Variants in DIAPH1 observed in about 807,000 individuals in gnomAD.
The protein encoded by DIAPH1 is protein diaphanous homolog 1.
In DIAPH1, 46 loss-of-function variants were observed where a neutral mutation model predicts 140.7. The observed-to-expected ratio is 0.33, with a 90% CI of 0.26 to 0.42. The LOEUF (loss-of-function observed/expected upper bound fraction) is 0.42, where lower values mean the gene tolerates loss of function less well. Ranked by LOEUF, DIAPH1 falls within the 10% of genes least tolerant of loss-of-function variation. DIAPH1 has a pLI of 1.00. For missense variants in DIAPH1, 1,310 were observed against 1,558.7 expected, an observed-to-expected ratio of 0.84 and a Z score of 2.69; for synonymous variants, 565 against 551.6, an observed-to-expected ratio of 1.02 and a Z score of -0.34.
At chr5:141,584,533 GC>G (rs763793717) in intron 3 of DIAPH1, among the ~76,000 whole-genome samples, 90 of 152,240 alleles carry the variant, frequency 5.9e-4, no homozygotes, top group Non-Finnish European at 7.8e-4. Flanking sequence ...AATGCTTTCT[GC>G]ATCAAGGATG....
At chr5:141,556,320 G>A (rs1442233549) in intron 18 of DIAPH1, among the ~76,000 whole-genome samples, 2 of 151,848 alleles carry the variant, frequency 1.3e-5, no homozygotes, top group South Asian at 2.1e-4. Flanking sequence ...AAAAGTATTC[G>A]GGAAAAAAAA....
intron 18 of DIAPH1, among the ~76,000 whole-genome samples, chr5:141,570,866 T>A (rs1362016991): frequency 1.3e-5 from 2 of 151,796 alleles, no homozygotes; most frequent in African/African-American, 4.8e-5. Flanking sequence ...AATTAGGAAG[T>A]CAAGAAAGAA....
chr5:141,596,801 T>C (rs1165682955), intron 1 of DIAPH1, among the ~76,000 whole-genome samples: 1 of 152,150 alleles, frequency 6.6e-6, no homozygotes, highest in Non-Finnish European at 1.5e-5. Context: ...TTCTTAAACA[T>C]GAGTAGACAA....
chr5:141,551,077 G>A (rs139828110), intron 18 of DIAPH1, among the ~76,000 whole-genome samples: 5 of 152,226 alleles, frequency 3.3e-5, no homozygotes, highest in East Asian at 1.9e-4. Flanking sequence ...GAAGAAAGTC[G>A]GTAGATTAAA....
rs558912448 is a variant in DIAPH1, at chr5:141,617,183, G to A, written c.117+1615C>T. 8.6e-5 allele frequency among the ~76,000 whole-genome samples: 13 copies of A among 151,696 alleles called. 1 individual carries two copies. Among genetic ancestry groups the A allele is most frequent in the Middle Eastern group, 6.8e-3 (2 of 294 alleles). On this transcript the variant is annotated intron_variant, in intron 1 of 27. Coordinates refer to ENST00000389054, the MANE Select transcript of DIAPH1 (RefSeq NM_005219.5). ...ATATGAGCCCTAGAACTTAAGTTTT[G>A]GAAGGAAAGCTAACGGGGGGGAGGG...
chr5:141,546,647 C>A (rs1268889764), intron 18 of DIAPH1, among the ~76,000 whole-genome samples: 1 of 144,738 alleles, frequency 6.9e-6, no homozygotes, highest in Non-Finnish European at 1.5e-5. Context: ...CAGAATGAGA[C>A]TCTGAAAAAA....
At chr5:141,576,482 T>C (rs150194019) in intron 13 of DIAPH1, among the ~76,000 whole-genome samples, 188 bp from the exon 14 acceptor site, 2 of 152,344 alleles carry the variant, frequency 1.3e-5, no homozygotes, top group East Asian at 1.9e-4. Flanking sequence ...AAGGCCACCA[T>C]GCTGGGTGGC....
At chr5:141,547,092 C>G (rs1424106680) in intron 18 of DIAPH1, among the ~76,000 whole-genome samples, 1 of 152,198 alleles carries the variant, frequency 6.6e-6, no homozygotes, top group Non-Finnish European at 1.5e-5. Context: ...TTTAAAATCA[C>G]TCTGGTTAAC....
At chr5:141,578,059 A>G (rs915432612) in intron 11 of DIAPH1, 166 bp downstream of exon 11, 2 of 714,858 alleles carry the variant, frequency 2.8e-6, no homozygotes, top group Admixed American at 2.0e-5. Context: ...TGATAAGCTA[A>G]GTAAAGCCAG....
rs577570177 is a variant in DIAPH1 at position 141,553,218 on chromosome 5, G to T, written c.2482+18210C>A. Among the ~76,000 whole-genome samples the T allele has an allele frequency of 2.0e-5, 3 of 152,290 alleles. No individual in the cohort carries two copies. In the South Asian group the frequency reaches 6.2e-4, roughly 32 times the overall value. On this transcript the variant is annotated intron_variant, in intron 18 of 27. Transcript: ENST00000389054. ...GAGGCAGAAGAATTGCTTGAACCCAGGAGGTGGAGGTTGCAGTGAGCCAAG... is the reference window on the plus strand; with the variant it reads ...GAGGCAGAAGAATTGCTTGAACCCATGAGGTGGAGGTTGCAGTGAGCCAAG...
At chr5:141,598,199 T>C (rs906126389) in intron 1 of DIAPH1, among the ~76,000 whole-genome samples, 6 of 152,250 alleles carry the variant, frequency 3.9e-5, no homozygotes, top group African/African-American at 1.4e-4. Context: ...TGTTAGATTT[T>C]TGTTTCTTAA....
chr5:141,592,941 A>T (rs1196501253), intron 1 of DIAPH1, among the ~76,000 whole-genome samples: 1 of 152,174 alleles, frequency 6.6e-6, no homozygotes, highest in Non-Finnish European at 1.5e-5. Flanking sequence ...AACCTCACTA[A>T]ACCTACAGAA....
At position 141,573,768 on chromosome 5, in the gene DIAPH1, C is replaced by G; in HGVS notation, c.2082G>C (p.Leu694Phe). The G allele has an allele frequency of 6.8e-7, 1 of 1,463,148 alleles. No homozygotes were observed. Among genetic ancestry groups the G allele is most frequent in the Non-Finnish European group, 9.1e-7 (1 of 1,104,370 alleles). 90.6% of individuals were successfully genotyped at this position (1,463,148 alleles called of 1,614,324 possible). Reference sequence around the variant, plus strand: ...GGGGGGGAATTCCAGCACTCCCAGGCAAAGGAGGTGGTGGTGGGGGGATTC... The same window carrying G: ...GGGGGGGAATTCCAGCACTCCCAGGGAAAGGAGGTGGTGGTGGGGGGATTC... ...SARIPPPPPP[L>F]PGSAGIPPPP... The change falls in exon 16 of 28, where the codon TTG (leucine) becomes TTC (phenylalanine). Residue 694 changes from leucine (L) to phenylalanine (F), a missense_variant. Physicochemically the swap from Leu to Phe is conservative, Grantham distance 22. Transcript: ENST00000389054.
chr5:141,575,031 T>G lies in DIAPH1; in HGVS notation c.1577A>C (p.Glu526Ala), dbSNP rs187899184. 6.2e-7 allele frequency: 1 copy of G among 1,614,084 alleles called. No homozygotes were observed. Among genetic ancestry groups the G allele is most frequent in the Non-Finnish European group, 8.5e-7 (1 of 1,180,050 alleles). ...LQGEKDALHS[E>A]KQQIATEKQD... ...TTTCTCTGTGGCAATTTGCTGCTTT[T>G]CAGAATGCAGTGCATCTTTTTCTCC... The change falls in exon 15 of 28, where the codon GAA (glutamate) becomes GCA (alanine). Residue 526 changes from glutamate (E) to alanine (A), a missense_variant. By Grantham distance (107) the Glu-to-Ala change is moderately radical (BLOSUM62 -1). Transcript: ENST00000389054.
chr5:141,617,264 G>A (rs1314644282), intron 1 of DIAPH1, among the ~76,000 whole-genome samples: 4 of 151,586 alleles, frequency 2.6e-5, no homozygotes, highest in African/African-American at 9.7e-5. Context: ...ACCAAAGAAG[G>A]AGGGGGTGTC....
intron 1 of DIAPH1, among the ~76,000 whole-genome samples, chr5:141,593,646 CATTTT>C (rs1464575986): frequency 6.6e-6 from 1 of 152,166 alleles, no homozygotes; most frequent in Non-Finnish European, 1.5e-5. Flanking sequence ...GAATTTATTA[CATTTT>C]ATTTAACAAA....
rs1052304255 is a variant in DIAPH1 at position 141,515,789 on chromosome 5, G to A, written c.*1062C>T. ...AGAGAGGATCTGCCTTGGACTCAAG[G>A]GTCCAGAAGGTCCAGGGGCACATTC... On this transcript the variant is annotated 3_prime_UTR_variant, in exon 28 of 28. Transcript: ENST00000389054. 1 of 152,338 alleles carries A rather than the reference G, an allele frequency of 6.6e-6. No individual in the cohort carries two copies. The highest frequency in any genetic ancestry group is 6.5e-5 in the Admixed American group (1 of 15,300). 9.4% of individuals were successfully genotyped at this position (152,338 alleles called of 1,614,324 possible).
intron 1 of DIAPH1, 72 bp from the exon 2 acceptor site, chr5:141,588,322 C>T: frequency 8.8e-7 from 1 of 1,137,974 alleles, no homozygotes; most frequent in East Asian, 2.3e-5. Context: ...TCCCAAACAC[C>T]AGACGGGTTG....
chr5:141,573,923 G>T lies in DIAPH1; in HGVS notation c.1927C>A (p.Pro643Thr), dbSNP rs768458531. 23 of 1,552,492 alleles carry T rather than the reference G, an allele frequency of 1.5e-5. No individual in the cohort carries two copies. The highest frequency in any genetic ancestry group is 1.1e-4 in the African/African-American group (8 of 73,128). The change falls in exon 16 of 28, where the codon CCT becomes ACT. Residue 643 changes from proline to threonine, a missense_variant. Transcript: ENST00000389054. ...ATGGTAGCATCCCCAGACAAAGGAG[G>T]GGGTGGAGAGATAGCAGTACCTCCA... Reference protein sequence around the residue: ...LPGGTAISPPPPLSGDATIPP... With the variant: ...LPGGTAISPPTPLSGDATIPP...
Sources: allele counts gnomAD v4.1 joint callset (sites outside exome capture counted in the v4.1 genomes callset), GRCh38; gene constraint gnomAD v4.1.1; transcripts MANE v1.5; gene names NCBI Gene and HGNC (gene_info 2026-07-23, HGNC 2026-07-21).